PCDH15: variants seen among roughly 807,000 people sequenced by gnomAD.
PCDH15 encodes the protein protocadherin related 15, also known as protocadherin-15.
Under a neutral mutation model 178.5 loss-of-function variants are expected in PCDH15, and 129 were observed. That is an observed-to-expected ratio of 0.72 (90% CI 0.63 to 0.84). The LOEUF (loss-of-function observed/expected upper bound fraction) is 0.84, where lower values mean the gene tolerates loss of function less well. Among genes scored for constraint, PCDH15 ranks in the 40% least tolerant of loss-of-function variants. PCDH15 has a pLI of 0.00. For missense variants in PCDH15, 2,230 were observed against 2,099.9 expected, an observed-to-expected ratio of 1.06 and a Z score of -1.21; for synonymous variants, 800 against 732.0, an observed-to-expected ratio of 1.09 and a Z score of -1.50.
intron 3 of PCDH15, among the ~76,000 whole-genome samples, chr10:54,482,867 C>A (rs1247190565): frequency 1.3e-5 from 2 of 151,642 alleles, no homozygotes; most frequent in Non-Finnish European, 2.9e-5. Flanking sequence ...AGGAAGTGAT[C>A]CAGAGAATAG....
chr10:54,045,779 T>G (rs1590095623), intron 18 of PCDH15, among the ~76,000 whole-genome samples: 1 of 152,064 alleles, frequency 6.6e-6, no homozygotes, highest in Non-Finnish European at 1.5e-5. Flanking sequence ...CCTGAGGAAG[T>G]AGGCTATTTT....
chr10:54,325,616 G>A (rs1343411901), intron 7 of PCDH15, among the ~76,000 whole-genome samples: 1 of 152,170 alleles, frequency 6.6e-6, no homozygotes, highest in East Asian at 1.9e-4. Context: ...GGGTATGGTT[G>A]CACGCATCTG....
intron 2 of PCDH15, among the ~76,000 whole-genome samples, chr10:54,927,707 T>G (rs911872797): frequency 6.1e-4 from 93 of 152,284 alleles, no homozygotes; most frequent in African/African-American, 2.2e-3. Flanking sequence ...TTTGTCTTAT[T>G]TGATTTTTAT....
intron 2 of PCDH15, among the ~76,000 whole-genome samples, chr10:55,085,590 C>A (rs1296771925): frequency 1.3e-5 from 2 of 151,812 alleles, no homozygotes; most frequent in Non-Finnish European, 2.9e-5. Context: ...TTATCAGAAT[C>A]TCTCATGTAA....
At chr10:54,215,671 T>C (rs1439189951) in intron 9 of PCDH15, among the ~76,000 whole-genome samples, 2 of 152,172 alleles carry the variant, frequency 1.3e-5, no homozygotes, top group African/African-American at 4.8e-5. Context: ...TAAGTTTAAC[T>C]ATATTGCAAA....
intron 27 of PCDH15, among the ~76,000 whole-genome samples, chr10:53,858,706 C>T (rs1279351556): frequency 6.6e-6 from 1 of 152,108 alleles, no homozygotes; most frequent in Non-Finnish European, 1.5e-5. Flanking sequence ...GTACCCCTAA[C>T]CCGTCATAGG....
intron 3 of PCDH15, among the ~76,000 whole-genome samples, chr10:54,427,863 G>A (rs561733430): frequency 3.8e-4 from 58 of 152,160 alleles, no homozygotes; most frequent in Non-Finnish European, 6.8e-4. Context: ...AATTGCAATC[G>A]TCATGTGTAG....
At chr10:54,675,403 A>T (rs1461007617) in intron 1 of PCDH15, among the ~76,000 whole-genome samples, 1 of 151,644 alleles carries the variant, frequency 6.6e-6, no homozygotes, top group African/African-American at 2.4e-5. Flanking sequence ...AAGATATTTT[A>T]TAAGTGAAAG....
intron 2 of PCDH15, among the ~76,000 whole-genome samples, chr10:55,404,388 G>A (rs1777674): frequency 0.61 from 93,120 of 151,862 alleles, 29,544 homozygotes; most frequent in African/African-American, 0.75. Context: ...CTGTGACAGC[G>A]CTTAGGATTT....
intron 2 of PCDH15, among the ~76,000 whole-genome samples, chr10:55,101,853 G>C (rs1340569129): frequency 1.3e-5 from 2 of 151,348 alleles, no homozygotes; most frequent in Non-Finnish European, 2.9e-5. Flanking sequence ...CTTTGAAGTA[G>C]ATCTATATTT....
intron 3 of PCDH15, among the ~76,000 whole-genome samples, chr10:54,507,760 C>T (rs2081293363): frequency 6.6e-6 from 1 of 151,950 alleles, no homozygotes; most frequent in South Asian, 2.1e-4. Flanking sequence ...TCTGTGGAAT[C>T]TGATTTTTAA....
chr10:55,068,400 C>A (rs1841622720), intron 2 of PCDH15, among the ~76,000 whole-genome samples: 1 of 152,024 alleles, frequency 6.6e-6, no homozygotes, highest in South Asian at 2.1e-4. Context: ...TATCAAAGAT[C>A]AGTTTCCTGT....
chr10:55,620,956 C>T (rs1477091293), intron 2 of PCDH15, among the ~76,000 whole-genome samples: 3 of 151,534 alleles, frequency 2.0e-5, no homozygotes, highest in Admixed American at 6.6e-5. Context: ...TTTTAAAGAA[C>T]ATAACATGTC....
At chr10:54,874,062 G>C (rs1352297658) in intron 3 of PCDH15, among the ~76,000 whole-genome samples, 1 of 84,134 alleles carries the variant, frequency 1.2e-5, no homozygotes, top group African/African-American at 4.8e-5. Flanking sequence ...ATACTGGTGC[G>C]CTGCACCCAC....
At chr10:54,694,509 G>C (rs2095186184) in intron 1 of PCDH15, among the ~76,000 whole-genome samples, 1 of 151,972 alleles carries the variant, frequency 6.6e-6, no homozygotes, top group Non-Finnish European at 1.5e-5. Context: ...TGGCAACCTG[G>C]TGTCCAACAA....
intron 7 of PCDH15, among the ~76,000 whole-genome samples, chr10:54,321,763 G>A (rs2133756678): frequency 6.6e-6 from 1 of 151,788 alleles, no homozygotes; most frequent in Middle Eastern, 3.4e-3. Flanking sequence ...TTCTCATATT[G>A]GGGAAAGATA....
chr10:54,537,036 T>A, intron 2 of PCDH15, among the ~76,000 whole-genome samples: 1 of 133,382 alleles, frequency 7.5e-6, no homozygotes, highest in Non-Finnish European at 1.5e-5. Context: ...CGTCTCTCTC[T>A]CGCCCAGGCT....
chr10:53,875,978 T>A (rs964023916), intron 26 of PCDH15, among the ~76,000 whole-genome samples: 3 of 152,186 alleles, frequency 2.0e-5, no homozygotes, highest in South Asian at 2.1e-4. Flanking sequence ...AGTTTAACTT[T>A]AGCTTCTCAA....
In PCDH15 at chr10:54,162,464, G is replaced by C. The variant is rs573194177; in HGVS notation, c.1591-9171C>G. Among the ~76,000 whole-genome samples the C allele has an allele frequency of 5.9e-5, 9 of 152,280 alleles. No individual in the cohort carries two copies. In the South Asian group the frequency reaches 1.9e-3, roughly 32 times the overall value. On this transcript the variant is annotated intron_variant, in intron 13 of 37. Coordinates refer to ENST00000644397, the MANE Select transcript of PCDH15 (RefSeq NM_001384140.1). ...TCTGTGTTGAGAAAAGTAATCAGTA[G>C]AAGAGAAGGTGAAATTGTGGAATAT... is the stretch of plus-strand genomic sequence containing the variant.
Sources: allele counts gnomAD v4.1 joint callset (sites outside exome capture counted in the v4.1 genomes callset), GRCh38; gene constraint gnomAD v4.1.1; transcripts MANE v1.5; gene names NCBI Gene and HGNC (gene_info 2026-07-23, HGNC 2026-07-21).